Variants in SEMA3E observed in about 807,000 individuals in gnomAD.
The protein encoded by SEMA3E is semaphorin 3E.
A neutral mutation model predicts 93.6 loss-of-function variants in SEMA3E; 49 were observed. The observed-to-expected ratio is 0.52, with a 90% CI of 0.42 to 0.66. The LOEUF (loss-of-function observed/expected upper bound fraction) is 0.66. SEMA3E is among the 30% of genes least tolerant of loss of function. The pLI is 0.00. For synonymous variants in SEMA3E, 363 were observed against 330.7 expected, an observed-to-expected ratio of 1.10 and a Z score of -1.06; for missense variants, 906 against 964.8, an observed-to-expected ratio of 0.94 and a Z score of 0.81.
chr7:83,609,409 T>A (rs1013092778), intron 1 of SEMA3E, among the ~76,000 whole-genome samples: 1 of 152,074 alleles, frequency 6.6e-6, no homozygotes, highest in Non-Finnish European at 1.5e-5. Context: ...AGAGACAAAG[T>A]GATTGAGTTG....
At position 83,407,130 on chromosome 7, in the gene SEMA3E, G is replaced by A. The variant is rs533306215; in HGVS notation, c.780C>T (p.His260=). ...GTCGCCCGACCCTGGTGTAAATTGC[G>A]TGAGCATTGTTTTCTGCCTCCAGTG... is the stretch of plus-strand genomic sequence containing the variant. ...EKALEAENNA[H]AIYTRVGRLC... The change falls in exon 7 of 17, where the codon CAC becomes CAT. Residue 260 remains histidine (H), a synonymous_variant. Transcript: ENST00000643230. 54 of 1,613,402 alleles carry A rather than the reference G, an allele frequency of 3.3e-5. No individual in the cohort carries two copies. Among genetic ancestry groups the A allele is most frequent in the Non-Finnish European group, 3.8e-5 (45 of 1,179,752 alleles).
At chr7:83,554,957 A>T (rs916481622) in intron 1 of SEMA3E, among the ~76,000 whole-genome samples, 10 of 129,236 alleles carry the variant, frequency 7.7e-5, no homozygotes, top group Non-Finnish European at 5.1e-5. Context: ...AGCCTGGGTG[A>T]CAGAGCGAGA....
At chr7:83,374,505 A>G (rs2723001) in intron 16 of SEMA3E, among the ~76,000 whole-genome samples, 144,678 of 152,120 alleles carry the variant, frequency 0.95, 69,226 homozygotes, top group East Asian at 1. Flanking sequence ...TGTGATAGCA[A>G]GAGTTAATTA....
At chr7:83,600,251 C>G (rs1301731632) in intron 1 of SEMA3E, among the ~76,000 whole-genome samples, 19 of 151,974 alleles carry the variant, frequency 1.3e-4, no homozygotes, top group Admixed American at 1.2e-3. Context: ...CAAAGTCCAT[C>G]TCAAATAATG....
At chr7:83,543,551 T>C (rs1400158553) in intron 1 of SEMA3E, among the ~76,000 whole-genome samples, 1 of 152,116 alleles carries the variant, frequency 6.6e-6, no homozygotes. Context: ...GGGAAGTTTG[T>C]GATTTAATAG....
chr7:83,367,043 G>A lies in SEMA3E; in HGVS notation c.*543C>T, dbSNP rs1794679642. ...CTCAGAATGACATTTTTCCTTTCAT[G>A]GGTTACAGCACTCACAACACACCTG... is the stretch of plus-strand genomic sequence containing the variant. On this transcript the variant is annotated 3_prime_UTR_variant, in exon 17 of 17. Coordinates refer to ENST00000643230, the MANE Select transcript of SEMA3E (RefSeq NM_012431.3). The A allele has an allele frequency of 6.5e-6, 1 of 154,326 alleles. No homozygotes were observed. The highest frequency in any genetic ancestry group is 2.0e-4 in the South Asian group (1 of 5,044). The allele number at this position is 154,326 out of a possible 1,614,324, so 9.6% of individuals were successfully genotyped here.
intron 4 of SEMA3E, among the ~76,000 whole-genome samples, chr7:83,435,852 C>T (rs1452744354): frequency 6.6e-6 from 1 of 152,028 alleles, no homozygotes; most frequent in Non-Finnish European, 1.5e-5. Context: ...TAATTTGTAT[C>T]CTAATATTTT....
intron 1 of SEMA3E, among the ~76,000 whole-genome samples, chr7:83,552,019 G>C (rs1355440282): frequency 1.3e-5 from 2 of 152,084 alleles, no homozygotes; most frequent in Non-Finnish European, 2.9e-5. Context: ...CATGAAAAAT[G>C]ACTCAAAAGT....
intron 1 of SEMA3E, among the ~76,000 whole-genome samples, chr7:83,597,204 T>A (rs1429662875): frequency 2.0e-5 from 3 of 152,136 alleles, no homozygotes; most frequent in Admixed American, 1.3e-4. Flanking sequence ...GTTCAAAAAG[T>A]CTATAGCCAC....
intron 1 of SEMA3E, among the ~76,000 whole-genome samples, chr7:83,639,106 GTC>G (rs137887002): frequency 0.034 from 1,036 of 30,676 alleles, 24 homozygotes; most frequent in African/African-American, 0.13. Context: ...GCGAGACTCC[GTC>G]TCAAAAAAAA....
At chr7:83,605,881 C>G (rs747394315) in intron 1 of SEMA3E, among the ~76,000 whole-genome samples, 1 of 152,136 alleles carries the variant, frequency 6.6e-6, no homozygotes, top group African/African-American at 2.4e-5. Flanking sequence ...AAACATTTTT[C>G]TCCCGTTCTG....
chr7:83,490,047 CAAGT>C, intron 2 of SEMA3E, 63 bp downstream of exon 2: 2 of 1,496,534 alleles, frequency 1.3e-6, no homozygotes, highest in Non-Finnish European at 1.8e-6. Flanking sequence ...AAAAAAAAGA[CAAGT>C]AACATTCTTG....
chr7:83,442,559 C>T (rs1357235752), intron 4 of SEMA3E, among the ~76,000 whole-genome samples: 2 of 152,150 alleles, frequency 1.3e-5, no homozygotes, highest in Admixed American at 6.5e-5. Context: ...CAAAGAAAAA[C>T]ACCATCAGTG....
intron 4 of SEMA3E, among the ~76,000 whole-genome samples, chr7:83,435,641 A>C (rs892818786): frequency 6.6e-6 from 1 of 152,092 alleles, no homozygotes; most frequent in Non-Finnish European, 1.5e-5. Context: ...AAAAAGAAAG[A>C]CAGAAACTAT....
chr7:83,609,072 GTATTTCCTACACA>G (rs1234110301), intron 1 of SEMA3E, among the ~76,000 whole-genome samples: 1 of 151,958 alleles, frequency 6.6e-6, no homozygotes, highest in African/African-American at 2.4e-5. Context: ...TATATAAAGT[GTATTTCCTACACA>G]TACATTTCAC....
At chr7:83,394,360 C>T (rs1788078575) in intron 12 of SEMA3E, 22 bp from the exon 13 acceptor site, 3 of 1,596,986 alleles carry the variant, frequency 1.9e-6, no homozygotes, top group Non-Finnish European at 2.6e-6. Context: ...AAAAAGTTTT[C>T]ATTTTTAAGA....
At chr7:83,545,016 G>T (rs2115777832) in intron 1 of SEMA3E, among the ~76,000 whole-genome samples, 1 of 152,106 alleles carries the variant, frequency 6.6e-6, no homozygotes, top group African/African-American at 2.4e-5. Context: ...GCTAATAAAT[G>T]CTACAATTTA....
rs937272599 is a variant in SEMA3E, at chr7:83,508,653, C to A, written c.116-18379G>T. On this transcript the variant is annotated intron_variant, in intron 1 of 16. Transcript: ENST00000643230. ...TATTTGCAATATTTATACTTCATAT[C>A]TTTAATATTCAATGACATAGCATAG... is the stretch of plus-strand genomic sequence containing the variant. Among the ~76,000 whole-genome samples the A allele has an allele frequency of 2.0e-5, 3 of 152,240 alleles. No individual in the cohort carries two copies. The East Asian group carries it at 5.8e-4, about 29-fold the overall frequency.
intron 1 of SEMA3E, among the ~76,000 whole-genome samples, chr7:83,627,910 G>A (rs1011009116): frequency 2.0e-5 from 3 of 152,148 alleles, no homozygotes; most frequent in South Asian, 2.1e-4. Context: ...ACTTCATAGT[G>A]TTGATGGTCT....
Sources: allele counts gnomAD v4.1 joint callset (sites outside exome capture counted in the v4.1 genomes callset), GRCh38; gene constraint gnomAD v4.1.1; transcripts MANE v1.5; gene names NCBI Gene and HGNC (gene_info 2026-07-23, HGNC 2026-07-21).